The following SLC9C1 variants were observed in gnomAD, a reference collection of about 807,000 sequenced individuals.
SLC9C1 encodes sodium/hydrogen exchanger 10.
SLC9C1 carries 97 observed loss-of-function variants against 140.9 expected under a neutral mutation model. That is an observed-to-expected ratio of 0.69 (90% CI 0.58 to 0.82). The LOEUF (loss-of-function observed/expected upper bound fraction) is 0.82, where lower values mean the gene tolerates loss of function less well. SLC9C1 is among the 40% of genes least tolerant of loss of function. SLC9C1 has a pLI of 0.00. For synonymous variants in SLC9C1, 440 were observed against 442.6 expected (o/e 0.99, Z 0.07); for missense variants, 1,340 against 1,389.3 (o/e 0.96, Z 0.56).
chr3:112,192,185 C>G (rs1250385401), intron 20 of SLC9C1, among the ~76,000 whole-genome samples: 3 of 151,954 alleles, frequency 2.0e-5, no homozygotes, highest in Admixed American at 2.0e-4. Flanking sequence ...GTTGCTTAAC[C>G]ATCACTACCA....
chr3:112,269,767 A>T, intron 7 of SLC9C1, 149 bp downstream of exon 7: 1 of 566,618 alleles, frequency 1.8e-6, no homozygotes, highest in Non-Finnish European at 2.7e-6. Context: ...TCATATGTTT[A>T]ATATCTTTTG....
chr3:112,201,347 T>C (rs1479039372), intron 18 of SLC9C1, among the ~76,000 whole-genome samples: 1 of 152,042 alleles, frequency 6.6e-6, no homozygotes, highest in East Asian at 1.9e-4. Flanking sequence ...TTCTCCTGTG[T>C]GTCTCCAAAT....
chr3:112,247,338 T>A (rs2079315785), intron 10 of SLC9C1, among the ~76,000 whole-genome samples: 1 of 152,098 alleles, frequency 6.6e-6, no homozygotes. Flanking sequence ...GCTGATACCA[T>A]CAAAAAAACA....
chr3:112,208,033 C>T, intron 16 of SLC9C1, 145 bp downstream of exon 16: 1 of 558,948 alleles, frequency 1.8e-6, no homozygotes, highest in Non-Finnish European at 3.0e-6. Flanking sequence ...TAAAAATCAC[C>T]TTCAAAAATT....
rs1173744370 is a variant in SLC9C1 at position 112,199,409 on chromosome 3, T to G, written c.2435A>C (p.Asn812Thr). ...TTCTGTAGCCATATTGAGCATAACA[T>G]TAATTTCTTCCTTTGTTTTCACAGT... ...AVTVKTKEEI[N>T]VMLNMATEIL... Residue 812 changes from asparagine (N) to threonine (T), a missense_variant, in exon 20 of 29, where the codon AAT becomes ACT. Transcript: ENST00000305815. 1 of 1,601,514 alleles carries G rather than the reference T, an allele frequency of 6.2e-7. No individual in the cohort carries two copies. Among genetic ancestry groups the G allele is most frequent in the East Asian group, 2.2e-5 (1 of 44,504 alleles).
At chr3:112,238,767 C>T (rs2079061293) in intron 12 of SLC9C1, among the ~76,000 whole-genome samples, 1 of 152,196 alleles carries the variant, frequency 6.6e-6, no homozygotes, top group African/African-American at 2.4e-5. Context: ...GGCTGCAGAA[C>T]AGCGAATATT....
intron 20 of SLC9C1, among the ~76,000 whole-genome samples, chr3:112,184,992 AG>A: frequency 6.6e-6 from 1 of 152,058 alleles, no homozygotes; most frequent in East Asian, 1.9e-4. Context: ...CCCCCAGCCC[AG>A]GCTGGGGTAC....
intron 23 of SLC9C1, among the ~76,000 whole-genome samples, chr3:112,178,944 T>C (rs963044394): frequency 6.6e-6 from 1 of 152,226 alleles, no homozygotes; most frequent in Non-Finnish European, 1.5e-5. Context: ...TGTTTACTTC[T>C]TTCTCTTAAA....
At chr3:112,236,507 C>A (rs1325852513) in intron 12 of SLC9C1, among the ~76,000 whole-genome samples, 1 of 152,148 alleles carries the variant, frequency 6.6e-6, no homozygotes, top group African/African-American at 2.4e-5. Flanking sequence ...TTGCCTTCTG[C>A]TAGCTTTTGA....
Position 112,163,579 on chromosome 3 carries a change from G to A in SLC9C1, c.3364+3642C>T, listed in dbSNP as rs552704338. Reference sequence around the variant, plus strand: ...TGTTCAGTTTCCATATAGTTGAGCGGTTTTGAGTGAGATTCTTAATCCTGA... The same window carrying A: ...TGTTCAGTTTCCATATAGTTGAGCGATTTTGAGTGAGATTCTTAATCCTGA... On this transcript the variant is annotated intron_variant, in intron 26 of 28. Coordinates refer to ENST00000305815, the MANE Select transcript of SLC9C1 (RefSeq NM_183061.3). Among the ~76,000 whole-genome samples the A allele has an allele frequency of 3.1e-3, 469 of 152,222 alleles. 4 individuals carry two copies. Among genetic ancestry groups the A allele is most frequent in the African/African-American group, 0.011 (445 of 41,548 alleles).
intron 14 of SLC9C1, among the ~76,000 whole-genome samples, chr3:112,217,876 A>G (rs2078428209): frequency 6.6e-6 from 1 of 152,206 alleles, no homozygotes; most frequent in African/African-American, 2.4e-5. Context: ...TTCATGTTAG[A>G]TTCCCCATTG....
intron 28 of SLC9C1, among the ~76,000 whole-genome samples, chr3:112,150,716 T>C (rs1365433636): frequency 6.8e-6 from 1 of 147,654 alleles, no homozygotes; most frequent in Non-Finnish European, 1.5e-5. Flanking sequence ...TTTTAAAATA[T>C]GGAGGTGGCA....
intron 20 of SLC9C1, among the ~76,000 whole-genome samples, chr3:112,198,421 T>A (rs536077872): frequency 4.6e-5 from 7 of 152,154 alleles, no homozygotes; most frequent in Admixed American, 3.9e-4. Context: ...TTTCTTTTTT[T>A]TCTTGACTTG....
chr3:112,150,779 T>A, intron 28 of SLC9C1, among the ~76,000 whole-genome samples: 1 of 65,854 alleles, frequency 1.5e-5, no homozygotes, highest in African/African-American at 4.2e-5. Context: ...CATATATATA[T>A]ATAAATACAT....
At chr3:112,279,021 G>C in intron 3 of SLC9C1, 164 bp from the exon 4 acceptor site, 2 of 590,300 alleles carry the variant, frequency 3.4e-6, no homozygotes, top group East Asian at 7.4e-5. Context: ...ACAAATAATT[G>C]GCCATGGCTT....
chr3:112,237,246 C>T (rs910605374), intron 12 of SLC9C1, among the ~76,000 whole-genome samples: 16 of 152,036 alleles, frequency 1.1e-4, no homozygotes, highest in African/African-American at 2.9e-4. Context: ...TTTTGATCTT[C>T]GTTGGTTTAA....
chr3:112,263,477 A>G (rs992271870), intron 9 of SLC9C1, among the ~76,000 whole-genome samples: 6 of 151,316 alleles, frequency 4.0e-5, no homozygotes, highest in Admixed American at 6.6e-5. Context: ...CTTTTTGTTT[A>G]TAGATTTTAA....
chr3:112,213,761 A>G (rs1193989466), intron 15 of SLC9C1, among the ~76,000 whole-genome samples: 1 of 152,220 alleles, frequency 6.6e-6, no homozygotes, highest in African/African-American at 2.4e-5. Context: ...TAATAATGGG[A>G]GACTTTAACA....
intron 12 of SLC9C1, among the ~76,000 whole-genome samples, chr3:112,238,818 G>A (rs950175400): frequency 2.0e-5 from 3 of 152,196 alleles, no homozygotes; most frequent in Non-Finnish European, 4.4e-5. Context: ...TCCTCTGGAG[G>A]TTTCCTCTCA....
Sources: gnomAD v4.1 joint callset for allele counts (sites outside exome capture counted in the v4.1 genomes callset) on GRCh38, gnomAD v4.1.1 for gene constraint, MANE v1.5 for transcripts, NCBI Gene and HGNC (gene_info 2026-07-23, HGNC 2026-07-21) for gene names.